The following LRRTM4 variants were observed in gnomAD, a reference collection of about 807,000 sequenced individuals.
LRRTM4 encodes the protein leucine-rich repeat transmembrane neuronal protein 4.
In LRRTM4, 25 loss-of-function variants were observed where a neutral mutation model predicts 47.6. The ratio of observed to expected loss-of-function variants is 0.53; its 90% CI spans 0.38 to 0.73. LRRTM4 has a LOEUF of 0.73. Ranked by LOEUF, LRRTM4 falls within the 30% of genes least tolerant of loss-of-function variation. The pLI, the probability that LRRTM4 is intolerant of heterozygous loss-of-function variation, is 0.00. For synonymous variants in LRRTM4, 311 were observed against 269.5 expected, an observed-to-expected ratio of 1.15 and a Z score of -1.51; for missense variants, 638 against 713.4, an observed-to-expected ratio of 0.89 and a Z score of 1.20.
chr2:77,475,138 T>G (rs10169163), intron 3 of LRRTM4, among the ~76,000 whole-genome samples: 2 of 151,846 alleles, frequency 1.3e-5, no homozygotes, highest in African/African-American at 4.8e-5. Flanking sequence ...CCAAAACATG[T>G]TAAAGATGAG....
At chr2:77,446,859 AG>A (rs1335165340) in intron 3 of LRRTM4, among the ~76,000 whole-genome samples, 7 of 152,246 alleles carry the variant, frequency 4.6e-5, no homozygotes, top group South Asian at 2.1e-4. Context: ...ATAATAACTC[AG>A]GCTTTGAGGA....
intron 3 of LRRTM4, among the ~76,000 whole-genome samples, chr2:77,492,157 T>C (rs948315209): frequency 6.6e-6 from 1 of 152,170 alleles, no homozygotes; most frequent in Admixed American, 6.5e-5. Context: ...TTAAAAAGTA[T>C]GCAAAGAATA....
intron 3 of LRRTM4, among the ~76,000 whole-genome samples, chr2:77,088,662 C>T (rs1224868507): frequency 1.3e-5 from 2 of 152,276 alleles, no homozygotes; most frequent in Non-Finnish European, 2.9e-5. Flanking sequence ...TCTCTTCACA[C>T]GGACGCGCAT....
At chr2:77,279,480 T>C (rs1256206236) in intron 3 of LRRTM4, among the ~76,000 whole-genome samples, 1 of 151,982 alleles carries the variant, frequency 6.6e-6, no homozygotes, top group Non-Finnish European at 1.5e-5. Flanking sequence ...CATTGTGGTA[T>C]TCAAAAGAGC....
At chr2:77,498,323 A>G (rs1678441209) in intron 3 of LRRTM4, among the ~76,000 whole-genome samples, 1 of 151,744 alleles carries the variant, frequency 6.6e-6, no homozygotes, top group African/African-American at 2.4e-5. Flanking sequence ...CTTTTTAGCG[A>G]TTGTAGAAAA....
chr2:77,152,776 T>A (rs1434870120), intron 3 of LRRTM4, among the ~76,000 whole-genome samples: 1 of 152,206 alleles, frequency 6.6e-6, no homozygotes, highest in African/African-American at 2.4e-5. Flanking sequence ...TTCATCATTT[T>A]TCTTCTATTT....
chr2:77,252,706 C>A (rs1675653796), intron 3 of LRRTM4, among the ~76,000 whole-genome samples: 1 of 152,006 alleles, frequency 6.6e-6, no homozygotes, highest in East Asian at 1.9e-4. Flanking sequence ...AGAAGACGGA[C>A]AACTATGGGG....
intron 3 of LRRTM4, among the ~76,000 whole-genome samples, chr2:77,278,016 G>A (rs1372907671): frequency 2.0e-5 from 3 of 151,906 alleles, no homozygotes; most frequent in African/African-American, 7.2e-5. Context: ...CAGAAGAACT[G>A]CTGCTGCAAA....
At chr2:76,825,072 C>T (rs1671154699) in intron 3 of LRRTM4, among the ~76,000 whole-genome samples, 1 of 151,434 alleles carries the variant, frequency 6.6e-6, no homozygotes, top group African/African-American at 2.4e-5. Context: ...ACGTAAAGAC[C>T]TAGAGCTCAG....
In LRRTM4 at chr2:77,280,365, A is replaced by C. The variant is rs140605631; in HGVS notation, c.1551+237953T>G. Among the ~76,000 whole-genome samples the C allele has an allele frequency of 2.5e-4, 38 of 152,160 alleles. 1 individual carries two copies. The East Asian group carries it at 7.3e-3, about 29-fold the overall frequency. ...TTCAAAACTACAGAAATGTAAGAGA[A>C]TAAATTTGTGTTGTTTTAAGCCATT... On this transcript the variant is annotated intron_variant, in intron 3 of 3. Coordinates refer to ENST00000409884, the MANE Select transcript of LRRTM4 (RefSeq NM_001134745.3).
intron 3 of LRRTM4, among the ~76,000 whole-genome samples, chr2:77,043,639 G>T (rs1474380802): frequency 6.6e-6 from 1 of 151,700 alleles, no homozygotes; most frequent in Non-Finnish European, 1.5e-5. Flanking sequence ...TATAATATGG[G>T]AACATTTAAT....
intron 3 of LRRTM4, among the ~76,000 whole-genome samples, chr2:77,270,819 G>C (rs942892212): frequency 6.6e-6 from 1 of 152,094 alleles, no homozygotes; most frequent in African/African-American, 2.4e-5. Flanking sequence ...TCCTCTGGTG[G>C]GTCACCACCC....
intron 3 of LRRTM4, among the ~76,000 whole-genome samples, chr2:77,501,744 G>T (rs1022288965): frequency 2.6e-5 from 4 of 151,206 alleles, no homozygotes; most frequent in Middle Eastern, 3.4e-3. Flanking sequence ...GAAGCTAAAG[G>T]ATTAATAAAC....
intron 3 of LRRTM4, among the ~76,000 whole-genome samples, chr2:77,294,127 C>T (rs889388669): frequency 7.2e-5 from 11 of 151,898 alleles, no homozygotes; most frequent in African/African-American, 4.8e-5. Context: ...TAGACCCTTA[C>T]GTATTATTTT....
At chr2:77,136,829 G>A (rs995552254) in intron 3 of LRRTM4, among the ~76,000 whole-genome samples, 3 of 151,902 alleles carry the variant, frequency 2.0e-5, no homozygotes, top group Non-Finnish European at 4.4e-5. Flanking sequence ...TGTGATGAAT[G>A]CACAAGCTTC....
intron 3 of LRRTM4, among the ~76,000 whole-genome samples, chr2:77,222,696 G>A (rs534531839): frequency 3.9e-4 from 59 of 152,216 alleles, no homozygotes; most frequent in South Asian, 1.2e-3. Context: ...AACAGGCTCC[G>A]AAATTGAGGC....
At chr2:77,039,205 T>A (rs1678944219) in intron 3 of LRRTM4, among the ~76,000 whole-genome samples, 1 of 151,408 alleles carries the variant, frequency 6.6e-6, no homozygotes, top group Admixed American at 6.6e-5. Flanking sequence ...CAGAATAGCT[T>A]CTAAGGATGA....
chr2:76,942,132 T>C (rs904574573), intron 3 of LRRTM4, among the ~76,000 whole-genome samples: 8 of 152,236 alleles, frequency 5.3e-5, no homozygotes, highest in Admixed American at 3.3e-4. Flanking sequence ...TGTCTGTTCA[T>C]ATCCTTTGCC....
In LRRTM4 at chr2:77,518,477, C is replaced by G. The variant is rs770751154; in HGVS notation, c.1392G>C (p.Lys464Asn). Reference sequence around the variant, plus strand: ...ACTCTCTGGCCTTTTTCCGCCGCCTCTTCATAAGAGAGTGTTGCTGGAGTT... The same window carrying G: ...ACTCTCTGGCCTTTTTCCGCCGCCTGTTCATAAGAGAGTGTTGCTGGAGTT... ...MKQLQQHSLM[K>N]RRRKKARESE... The change falls in exon 3 of 4, where the codon AAG becomes AAC. Residue 464 changes from lysine to asparagine, a missense_variant. Coordinates refer to ENST00000409884, the MANE Select transcript of LRRTM4 (RefSeq NM_001134745.3). The G allele has an allele frequency of 1.1e-5, 17 of 1,613,404 alleles. 1 individual carries two copies. The Middle Eastern group carries it at 5.0e-4, about 47-fold the overall frequency.
Sources: gnomAD v4.1 joint callset for allele counts (sites outside exome capture counted in the v4.1 genomes callset) on GRCh38, gnomAD v4.1.1 for gene constraint, MANE v1.5 for transcripts, NCBI Gene and HGNC (gene_info 2026-07-23, HGNC 2026-07-21) for gene names.